Variants in MECOM observed in about 807,000 individuals in gnomAD.
MECOM encodes the protein histone-lysine N-methyltransferase MECOM.
In MECOM, 13 loss-of-function variants were observed where a neutral mutation model predicts 116.3. That is an observed-to-expected ratio of 0.11 (90% CI 0.07 to 0.18). MECOM has a LOEUF of 0.18. MECOM is among the 10% of genes least tolerant of loss of function. The pLI is 1.00. For missense variants in MECOM, 1,299 were observed against 1,509.0 expected (o/e 0.86, Z 2.31); for synonymous variants, 528 against 535.2 (o/e 0.99, Z 0.19).
At chr3:169,214,170 T>C (rs1458874975) in intron 2 of MECOM, among the ~76,000 whole-genome samples, 8 of 152,252 alleles carry the variant, frequency 5.3e-5, no homozygotes, top group Admixed American at 2.6e-4. Flanking sequence ...TGTGGCTTTG[T>C]AAAAGCCAAC....
At position 169,412,148 on chromosome 3, in the gene MECOM, T is replaced by G. The variant is rs1039758546; in HGVS notation, c.38-30624A>C. 1.2e-3 allele frequency among the ~76,000 whole-genome samples: 180 copies of G among 151,900 alleles called. 1 individual carries two copies. The highest frequency in any genetic ancestry group is 4.2e-3 in the African/African-American group (175 of 41,408). On this transcript the variant is annotated intron_variant, in intron 1 of 16. Coordinates refer to ENST00000651503, the MANE Select transcript of MECOM (RefSeq NM_004991.4). ...TACAGACACAAAAATTAGCCAGGCA[T>G]GGTGGTAGGCACCTGTAATCCCAGC... is the stretch of plus-strand genomic sequence containing the variant.
chr3:169,648,833 C>T (rs1774504242), intron 1 of MECOM, among the ~76,000 whole-genome samples: 1 of 152,194 alleles, frequency 6.6e-6, no homozygotes, highest in Non-Finnish European at 1.5e-5. Flanking sequence ...CAGAAAGACA[C>T]ACCTTTGGAA....
Position 169,116,023 on chromosome 3 carries a change from T to C in MECOM, c.1849A>G (p.Lys617Glu). The change falls in exon 8 of 17, where the codon AAA becomes GAA. Residue 617 changes from lysine to glutamate, a missense_variant. Around this residue, in one of 6 missense-constraint regions of MECOM, gnomAD observed 238 missense variants for 273.1 expected, o/e 0.87. Transcript: ENST00000651503. The stretch of plus-strand genomic sequence containing the variant: ...GGGCTTACTTTGTCTTTGAACATTT[T>C]ACCATTTTCTTTAAATTTCTCTTTA... ...SDKEKFKENG[K>E]MFKDKVSPLQ... 1.2e-6 allele frequency: 2 copies of C among 1,614,120 alleles called. No individual in the cohort carries two copies. The highest frequency in any genetic ancestry group is 1.7e-6 in the Non-Finnish European group (2 of 1,180,000).
intron 2 of MECOM, among the ~76,000 whole-genome samples, chr3:169,344,265 C>T (rs1725005628): frequency 6.6e-6 from 1 of 152,000 alleles, no homozygotes; most frequent in Admixed American, 6.6e-5. Flanking sequence ...TCACTTTAGG[C>T]ATAGTGTCCT....
At chr3:169,307,943 C>T (rs956771773) in intron 2 of MECOM, among the ~76,000 whole-genome samples, 7 of 152,146 alleles carry the variant, frequency 4.6e-5, no homozygotes, top group Admixed American at 1.3e-4. Context: ...CTACTCCTCT[C>T]GCTTTCTTTG....
At chr3:169,592,050 T>C (rs1766484473) in intron 1 of MECOM, among the ~76,000 whole-genome samples, 1 of 152,210 alleles carries the variant, frequency 6.6e-6, no homozygotes, top group African/African-American at 2.4e-5. Flanking sequence ...GCTGAGTGAC[T>C]GTGACTCAGA....
chr3:169,108,082 GT>G lies in MECOM; in HGVS notation c.2578-131del, dbSNP rs1726050035. ...TGCTTATCATGTAACTGTACCTTGA[GT>G]AAAAGCTTTGGAAATAAAAATTAAA... On this transcript the variant is annotated intron_variant, in intron 9 of 16. Transcript: ENST00000651503. The G allele has an allele frequency of 6.5e-6, 4 of 612,186 alleles. No individual in the cohort carries two copies. In the Admixed American group the frequency reaches 9.8e-5, roughly 15 times the overall value. 37.9% of individuals were successfully genotyped at this position (612,186 alleles called of 1,614,324 possible).
intron 1 of MECOM, among the ~76,000 whole-genome samples, chr3:169,452,643 A>C (rs1745798723): frequency 6.6e-6 from 1 of 152,188 alleles, no homozygotes; most frequent in Non-Finnish European, 1.5e-5. Context: ...ACTAAAATGC[A>C]GTTCTGCGCC....
At chr3:169,142,242 C>T (rs16853235) in intron 3 of MECOM, among the ~76,000 whole-genome samples, 5,181 of 151,930 alleles carry the variant, frequency 0.034, 269 homozygotes, top group African/African-American at 0.11. Flanking sequence ...CATCTTTTCA[C>T]GGATTCTACA....
chr3:169,143,866 A>G (rs757161382), intron 2 of MECOM, 34 bp from the exon 3 acceptor site: 6 of 1,556,070 alleles, frequency 3.9e-6, no homozygotes, highest in South Asian at 1.2e-5. Context: ...ATCAATTGCC[A>G]TATTGGCCCA....
intron 2 of MECOM, among the ~76,000 whole-genome samples, chr3:169,153,216 A>C (rs1369892973): frequency 1.3e-5 from 2 of 152,174 alleles, no homozygotes; most frequent in Non-Finnish European, 2.9e-5. Context: ...AATATTTCCC[A>C]AAAGTAGGGA....
chr3:169,385,616 C>T (rs1303859942), intron 1 of MECOM, among the ~76,000 whole-genome samples: 2 of 152,162 alleles, frequency 1.3e-5, no homozygotes, highest in Non-Finnish European at 2.9e-5. Context: ...GTTTATCACA[C>T]CACATTGAAT....
rs145445983 is a variant in MECOM, at chr3:169,488,524, C to T, written c.38-107000G>A. On this transcript the variant is annotated intron_variant, in intron 1 of 16. Coordinates refer to ENST00000651503, the MANE Select transcript of MECOM (RefSeq NM_004991.4). ...TTGCACCACTGCACTGCAGCCTGGG[C>T]GACAGAGCTAGACTCTATCTCAGAA... is the stretch of plus-strand genomic sequence containing the variant. Among the ~76,000 whole-genome samples the T allele has an allele frequency of 4.1e-3, 616 of 151,814 alleles. 9 individuals carry two copies. The East Asian group carries it at 0.047, about 11-fold the overall frequency.
intron 2 of MECOM, among the ~76,000 whole-genome samples, chr3:169,268,480 T>C (rs1443879796): frequency 1.3e-5 from 2 of 152,214 alleles, no homozygotes; most frequent in African/African-American, 4.8e-5. Context: ...TCTTGTACTT[T>C]AGTTAATGAA....
intron 2 of MECOM, among the ~76,000 whole-genome samples, chr3:169,267,762 AT>A (rs35630450): frequency 0.25 from 38,066 of 149,758 alleles, 10,458 homozygotes; most frequent in African/African-American, 0.69. Flanking sequence ...AGCATAGTCC[AT>A]TTTTTTTTTC....
chr3:169,316,040 A>T (rs1018449591), intron 2 of MECOM, among the ~76,000 whole-genome samples: 3 of 152,254 alleles, frequency 2.0e-5, no homozygotes, highest in Non-Finnish European at 1.5e-5. Context: ...TTAGAGTTTT[A>T]GAAACTAATT....
intron 1 of MECOM, among the ~76,000 whole-genome samples, chr3:169,558,481 A>C (rs1399038243): frequency 6.6e-6 from 1 of 152,176 alleles, no homozygotes; most frequent in Non-Finnish European, 1.5e-5. Context: ...CTAAGTGCTC[A>C]CTGCCAAAAT....
At chr3:169,463,024 C>A (rs1202596111) in intron 1 of MECOM, among the ~76,000 whole-genome samples, 1 of 152,128 alleles carries the variant, frequency 6.6e-6, no homozygotes, top group African/African-American at 2.4e-5. Context: ...CATAAAAACT[C>A]ATTTTCAGCA....
At chr3:169,357,674 C>T (rs1014457124) in intron 2 of MECOM, among the ~76,000 whole-genome samples, 5 of 151,770 alleles carry the variant, frequency 3.3e-5, no homozygotes, top group Non-Finnish European at 4.4e-5. Flanking sequence ...TGGTCAAATC[C>T]TATGAATATT....
Sources: allele counts gnomAD v4.1 joint callset (sites outside exome capture counted in the v4.1 genomes callset), GRCh38; gene constraint gnomAD v4.1.1; regional missense constraint gnomAD v4.1.1; transcripts MANE v1.5; gene names NCBI Gene and HGNC (gene_info 2026-07-23, HGNC 2026-07-21).